SGCZ: variants seen among roughly 807,000 people sequenced by gnomAD.
The protein encoded by SGCZ is sarcoglycan zeta.
A neutral mutation model predicts 41.3 loss-of-function variants in SGCZ; 40 were observed. The observed-to-expected ratio is 0.97, with a 90% CI of 0.75 to 1.26. The LOEUF (loss-of-function observed/expected upper bound fraction) is 1.26, where lower values mean the gene tolerates loss of function less well. Among genes scored for constraint, SGCZ ranks in the 50% most tolerant of loss-of-function variants. SGCZ has a pLI of 0.00. For missense variants in SGCZ, 552 were observed against 369.8 expected (o/e 1.49, Z -4.04); for synonymous variants, 206 against 137.5 (o/e 1.50, Z -3.49).
intron 1 of SGCZ, among the ~76,000 whole-genome samples, chr8:14,972,526 A>C (rs1243716856): frequency 6.6e-6 from 1 of 152,156 alleles, no homozygotes; most frequent in Non-Finnish European, 1.5e-5. Flanking sequence ...ATATGGTTAA[A>C]TTTAAATCTA....
At chr8:14,299,640 T>G (rs1801122601) in intron 3 of SGCZ, among the ~76,000 whole-genome samples, 1 of 151,896 alleles carries the variant, frequency 6.6e-6, no homozygotes, top group African/African-American at 2.4e-5. Context: ...TTTAAAAACC[T>G]AAACAGACTA....
At chr8:14,389,786 A>T (rs763055649) in intron 2 of SGCZ, among the ~76,000 whole-genome samples, 1 of 152,048 alleles carries the variant, frequency 6.6e-6, no homozygotes, top group African/African-American at 2.4e-5. Flanking sequence ...ATTTAAAAAA[A>T]ATAACTATGA....
chr8:15,157,412 G>A (rs541698931), intron 1 of SGCZ, among the ~76,000 whole-genome samples: 48 of 150,184 alleles, frequency 3.2e-4, no homozygotes, highest in African/African-American at 1.0e-3. Flanking sequence ...AAGCAAGACC[G>A]TCTCTTAAGG....
intron 1 of SGCZ, among the ~76,000 whole-genome samples, chr8:14,568,064 G>C (rs1259159808): frequency 6.9e-6 from 1 of 145,474 alleles, no homozygotes; most frequent in Non-Finnish European, 1.5e-5. Context: ...TTGGTATTAA[G>C]AAACTAAAGA....
At chr8:15,196,385 A>C (rs1266712786) in intron 1 of SGCZ, among the ~76,000 whole-genome samples, 1 of 152,242 alleles carries the variant, frequency 6.6e-6, no homozygotes, top group African/African-American at 2.4e-5. Context: ...ACCCCAGTGA[A>C]AAAGTGCAGG....
At chr8:14,469,485 T>C (rs148462501) in intron 2 of SGCZ, among the ~76,000 whole-genome samples, 1 of 152,174 alleles carries the variant, frequency 6.6e-6, no homozygotes, top group African/African-American at 2.4e-5. Flanking sequence ...TGATAAATGA[T>C]TGTCTCCATG....
chr8:14,426,558 C>G (rs1585494919), intron 2 of SGCZ, among the ~76,000 whole-genome samples: 1 of 151,996 alleles, frequency 6.6e-6, no homozygotes, highest in Non-Finnish European at 1.5e-5. Flanking sequence ...GAGATGAAAG[C>G]GATCATACGC....
At chr8:14,786,839 TA>T (rs200134491) in intron 1 of SGCZ, among the ~76,000 whole-genome samples, 11 of 99,896 alleles carry the variant, frequency 1.1e-4, no homozygotes, top group South Asian at 3.3e-4. Flanking sequence ...AAAGCAGGTT[TA>T]AAAAAAAAAA....
intron 5 of SGCZ, among the ~76,000 whole-genome samples, chr8:14,113,978 T>TTTTC (rs1381638933): frequency 6.6e-6 from 1 of 152,032 alleles, no homozygotes; most frequent in Non-Finnish European, 1.5e-5. Flanking sequence ...CTGTGAAACA[T>TTTTC]TTTCTTGGTT....
At chr8:15,161,096 A>G (rs1372589111) in intron 1 of SGCZ, among the ~76,000 whole-genome samples, 3 of 151,978 alleles carry the variant, frequency 2.0e-5, no homozygotes, top group Non-Finnish European at 4.4e-5. Flanking sequence ...TCAAATCCTT[A>G]GGTGATCTGG....
At chr8:14,870,064 A>G (rs966501500) in intron 1 of SGCZ, among the ~76,000 whole-genome samples, 1 of 152,198 alleles carries the variant, frequency 6.6e-6, no homozygotes, top group Non-Finnish European at 1.5e-5. Context: ...TCTTCACAGA[A>G]CTAGAAAAAA....
chr8:15,188,103 T>A (rs1331662215), intron 1 of SGCZ, among the ~76,000 whole-genome samples: 2 of 152,022 alleles, frequency 1.3e-5, no homozygotes, highest in Non-Finnish European at 2.9e-5. Context: ...TAATCTCCAT[T>A]TTGCAATGGA....
At chr8:14,248,993 A>G (rs1292423431) in intron 3 of SGCZ, among the ~76,000 whole-genome samples, 1 of 152,226 alleles carries the variant, frequency 6.6e-6, no homozygotes, top group Non-Finnish European at 1.5e-5. Flanking sequence ...CAACACAGTT[A>G]TAGTACCTGT....
chr8:14,274,601 T>A (rs1800168525), intron 3 of SGCZ, among the ~76,000 whole-genome samples: 1 of 152,170 alleles, frequency 6.6e-6, no homozygotes. Context: ...TATAACAATC[T>A]CCTTCAAAAC....
chr8:15,092,609 T>C (rs1325969745), intron 1 of SGCZ, among the ~76,000 whole-genome samples: 1 of 152,184 alleles, frequency 6.6e-6, no homozygotes, highest in East Asian at 1.9e-4. Context: ...TCTGGATACT[T>C]CAGATGTAAG....
intron 1 of SGCZ, among the ~76,000 whole-genome samples, chr8:14,972,955 T>C (rs1801350544): frequency 6.6e-6 from 1 of 152,232 alleles, no homozygotes; most frequent in East Asian, 1.9e-4. Context: ...TGTAGTTACA[T>C]ATTTCTTTCT....
At chr8:14,647,523 C>T (rs12681143) in intron 1 of SGCZ, among the ~76,000 whole-genome samples, 90,027 of 151,460 alleles carry the variant, frequency 0.59, 27,282 homozygotes, top group East Asian at 0.84. Context: ...GTCACCTTCT[C>T]CCTTTCTCTT....
chr8:15,216,401 T>C (rs1198328386), intron 1 of SGCZ, among the ~76,000 whole-genome samples: 2 of 151,836 alleles, frequency 1.3e-5, no homozygotes, highest in Non-Finnish European at 1.5e-5. Flanking sequence ...TTTATATTTT[T>C]AGTAGAGACG....
chr8:14,719,915 A>C (rs532658831), intron 1 of SGCZ, among the ~76,000 whole-genome samples: 1 of 152,160 alleles, frequency 6.6e-6, no homozygotes, highest in Admixed American at 6.5e-5. Context: ...TGTTTTAGAC[A>C]TGAAGTCCTT....
Sources: gnomAD v4.1 joint callset for allele counts (sites outside exome capture counted in the v4.1 genomes callset) on GRCh38, gnomAD v4.1.1 for gene constraint, MANE v1.5 for transcripts, NCBI Gene and HGNC (gene_info 2026-07-23, HGNC 2026-07-21) for gene names.